The following PRKAG2 variants were observed in gnomAD, a reference collection of about 807,000 sequenced individuals.
The protein encoded by PRKAG2 is protein kinase AMP-activated non-catalytic subunit gamma 2.
In PRKAG2, 26 loss-of-function variants were observed where a neutral mutation model predicts 69.6. That is an observed-to-expected ratio of 0.37 (90% CI 0.27 to 0.52). PRKAG2 has a LOEUF of 0.52. Ranked by LOEUF, PRKAG2 falls within the 20% of genes least tolerant of loss-of-function variation. The pLI is 0.90. For synonymous variants in PRKAG2, 293 were observed against 285.0 expected (o/e 1.03, Z -0.28); for missense variants, 557 against 740.0 (o/e 0.75, Z 2.87).
At chr7:151,636,565 G>A (rs1248299618) in intron 4 of PRKAG2, among the ~76,000 whole-genome samples, 1 of 152,150 alleles carries the variant, frequency 6.6e-6, no homozygotes, top group Admixed American at 6.5e-5. Context: ...GGGCACTCAG[G>A]TGGTTTCCAC....
At position 151,864,412 on chromosome 7, in the gene PRKAG2, C is replaced by T. The variant is rs140252134; in HGVS notation, c.114+12095G>A. ...ATACGGCGGTCCAGGGTGCAGCTTC[C>T]TGTTTCCCTTCTCCCAGGGGCTACC... On this transcript the variant is annotated intron_variant, in intron 1 of 15. Transcript: ENST00000287878. Among the ~76,000 whole-genome samples the T allele has an allele frequency of 4.2e-3, 640 of 152,326 alleles. 4 individuals carry two copies. Among genetic ancestry groups the T allele is most frequent in the African/African-American group, 0.014 (600 of 41,568 alleles).
chr7:151,724,782 G>A (rs1172455276), intron 3 of PRKAG2, among the ~76,000 whole-genome samples: 1 of 152,162 alleles, frequency 6.6e-6, no homozygotes, highest in African/African-American at 2.4e-5. Flanking sequence ...GGCTCCAAGT[G>A]CCGACTTGCA....
chr7:151,631,724 G>C (rs1320800203), intron 5 of PRKAG2: 1 of 463,372 alleles, frequency 2.2e-6, no homozygotes, highest in South Asian at 1.5e-5. Context: ...TTGCCTCCGA[G>C]TGCATGGTGA....
At chr7:151,854,222 C>T (rs2079649110) in intron 1 of PRKAG2, among the ~76,000 whole-genome samples, 1 of 152,270 alleles carries the variant, frequency 6.6e-6, no homozygotes, top group Non-Finnish European at 1.5e-5. Flanking sequence ...TGACTTGAAC[C>T]TGGAACTTTC....
chr7:151,559,118 A>C (rs1012190741), intron 15 of PRKAG2: 1 of 985,310 alleles, frequency 1.0e-6, no homozygotes, highest in African/African-American at 1.7e-5. Flanking sequence ...TGTGCTGTGC[A>C]GTTATGCCTG....
intron 1 of PRKAG2, among the ~76,000 whole-genome samples, chr7:151,817,608 C>A (rs1201137546): frequency 6.6e-6 from 1 of 152,216 alleles, no homozygotes; most frequent in Admixed American, 6.5e-5. Flanking sequence ...CCCTAGAAAG[C>A]CTAGCCCTGC....
chr7:151,617,369 T>C (rs1020611806), intron 5 of PRKAG2, among the ~76,000 whole-genome samples: 3 of 151,428 alleles, frequency 2.0e-5, no homozygotes, highest in African/African-American at 7.3e-5. Flanking sequence ...GGGATTCACC[T>C]GCAAATAATC....
chr7:151,575,440 C>A lies in PRKAG2; in HGVS notation c.947-491G>T, dbSNP rs557745000. ...GGATGAAAAAGACATGAACTTCTTC[C>A]CTGATGAAATTAAAACCTAGAAGCA... On this transcript the variant is annotated intron_variant, in intron 7 of 15. Transcript: ENST00000287878. 1.4e-4 allele frequency among the ~76,000 whole-genome samples: 22 copies of A among 152,170 alleles called. 1 individual carries two copies. In the Middle Eastern group the frequency reaches 0.014, roughly 94 times the overall value.
chr7:151,839,891 G>A (rs1205059249), intron 1 of PRKAG2, among the ~76,000 whole-genome samples: 2 of 152,114 alleles, frequency 1.3e-5, no homozygotes, highest in African/African-American at 2.4e-5. Context: ...GAGCAGGGCG[G>A]CAGAGGAAGC....
intron 3 of PRKAG2, among the ~76,000 whole-genome samples, chr7:151,723,801 C>T (rs1394395700): frequency 6.6e-6 from 1 of 152,162 alleles, no homozygotes; most frequent in Non-Finnish European, 1.5e-5. Context: ...CTCCCTGAGC[C>T]ATGATGCCTC....
At chr7:151,804,420 C>G (rs537782237) in intron 1 of PRKAG2, among the ~76,000 whole-genome samples, 1 of 152,204 alleles carries the variant, frequency 6.6e-6, no homozygotes, top group South Asian at 2.1e-4. Flanking sequence ...CTTATAAAAC[C>G]AACAGATCTC....
intron 1 of PRKAG2, among the ~76,000 whole-genome samples, chr7:151,860,495 G>A (rs889597530): frequency 3.9e-5 from 6 of 152,142 alleles, no homozygotes; most frequent in Non-Finnish European, 8.8e-5. Context: ...CCTGTGGAAG[G>A]GGGTGTGGGT....
intron 11 of PRKAG2, 76 bp from the exon 12 acceptor site, chr7:151,565,961 A>G: frequency 6.7e-7 from 1 of 1,496,606 alleles, no homozygotes; most frequent in Non-Finnish European, 9.3e-7. Context: ...GATTTGAATG[A>G]AAAAGTATGT....
intron 1 of PRKAG2, chr7:151,809,485 G>A (rs1019248440): frequency 3.0e-5 from 9 of 296,478 alleles, no homozygotes; most frequent in African/African-American, 6.7e-5. Context: ...CTTCACATTG[G>A]TCTTCCGGGG....
chr7:151,761,396 C>A (rs1479491378), intron 3 of PRKAG2, among the ~76,000 whole-genome samples: 2 of 152,164 alleles, frequency 1.3e-5, no homozygotes, highest in Non-Finnish European at 2.9e-5. Flanking sequence ...TATTAGAGAA[C>A]CTAAGATTGG....
chr7:151,591,811 T>C (rs1249756258), intron 6 of PRKAG2, among the ~76,000 whole-genome samples: 1 of 152,112 alleles, frequency 6.6e-6, no homozygotes, highest in Non-Finnish European at 1.5e-5. Flanking sequence ...GAGCAGACAT[T>C]GAGGGTTTTG....
intron 5 of PRKAG2, among the ~76,000 whole-genome samples, chr7:151,607,591 T>C (rs1469909130): frequency 2.6e-5 from 4 of 152,142 alleles, no homozygotes; most frequent in Non-Finnish European, 4.4e-5. Context: ...ACCTACACAA[T>C]ATACCCTGTA....
At chr7:151,568,432 C>T (rs1806762265) in intron 11 of PRKAG2, among the ~76,000 whole-genome samples, 1 of 152,168 alleles carries the variant, frequency 6.6e-6, no homozygotes, top group Admixed American at 6.5e-5. Flanking sequence ...TGCCTTATTT[C>T]CCCTCATATG....
chr7:151,674,715 C>A (rs1832623663), intron 4 of PRKAG2, among the ~76,000 whole-genome samples: 1 of 152,086 alleles, frequency 6.6e-6, no homozygotes, highest in East Asian at 1.9e-4. Flanking sequence ...CTGATGATGT[C>A]ATCAGACTCA....
Sources: allele counts gnomAD v4.1 joint callset (sites outside exome capture counted in the v4.1 genomes callset), GRCh38; gene constraint gnomAD v4.1.1; transcripts MANE v1.5; gene names NCBI Gene and HGNC (gene_info 2026-07-23, HGNC 2026-07-21).